The following MINDY4 variants were observed in gnomAD, a reference collection of about 807,000 sequenced individuals.
MINDY4 encodes the protein probable ubiquitin carboxyl-terminal hydrolase MINDY-4.
In MINDY4, 68 loss-of-function variants were observed where a neutral mutation model predicts 87.0. The observed-to-expected ratio is 0.78, with a 90% CI of 0.64 to 0.96. The LOEUF is 0.96. Ranked by LOEUF, MINDY4 falls within the 40% of genes least tolerant of loss-of-function variation. The probability of loss-of-function intolerance (pLI) is 0.00; values close to 1 mark genes in which losing one functional copy is unlikely to be tolerated. For missense variants in MINDY4, 919 were observed against 928.2 expected (o/e 0.99, Z 0.13); for synonymous variants, 379 against 363.2 (o/e 1.04, Z -0.50).
intron 9 of MINDY4, among the ~76,000 whole-genome samples, chr7:30,844,676 G>T (rs1789150925): frequency 6.6e-6 from 1 of 152,210 alleles, no homozygotes; most frequent in African/African-American, 2.4e-5. Context: ...TGCCAAGTGG[G>T]TGGGTGTCTA....
chr7:30,855,840 G>A (rs1182116988), intron 12 of MINDY4, among the ~76,000 whole-genome samples: 4 of 152,130 alleles, frequency 2.6e-5, no homozygotes, highest in African/African-American at 4.8e-5. Flanking sequence ...GTCAATATTC[G>A]GCCCTCCTCA....
intron 5 of MINDY4, among the ~76,000 whole-genome samples, chr7:30,804,155 A>G (rs1162711303): frequency 6.6e-6 from 1 of 152,228 alleles, no homozygotes; most frequent in Non-Finnish European, 1.5e-5. Flanking sequence ...TGTTAGGGGC[A>G]TATTGGGCAG....
At chr7:30,808,449 A>AGT (rs997046322) in intron 5 of MINDY4, among the ~76,000 whole-genome samples, 4 of 151,750 alleles carry the variant, frequency 2.6e-5, no homozygotes, top group Admixed American at 6.6e-5. Flanking sequence ...AAACTGTAAA[A>AGT]GTGTGTGTGT....
chr7:30,819,522 A>G (rs919946117), intron 5 of MINDY4, among the ~76,000 whole-genome samples: 3 of 152,112 alleles, frequency 2.0e-5, no homozygotes, highest in Non-Finnish European at 4.4e-5. Context: ...TTTAGTCTTT[A>G]TTCTTATTAA....
At chr7:30,842,481 A>C (rs1157317168) in intron 9 of MINDY4, among the ~76,000 whole-genome samples, 1 of 152,174 alleles carries the variant, frequency 6.6e-6, no homozygotes, top group Non-Finnish European at 1.5e-5. Context: ...GTACAGGGAT[A>C]CTGAGCACAT....
At chr7:30,853,539 G>A in intron 12 of MINDY4, 80 bp downstream of exon 12, 1 of 1,274,074 alleles carries the variant, frequency 7.8e-7, no homozygotes, top group Middle Eastern at 1.8e-4. Context: ...CTGTGAACTG[G>A]AGTTGTTCTC....
rs1450388174 is a variant in MINDY4, at chr7:30,778,570, G to C, written c.183+19G>C. ...GAACAAGGTATGTGCTTTCTAAGGT[G>C]TGGTGTGGAGTCTTGGAACTGAGTT... On this transcript the variant is annotated intron_variant, in intron 2 of 17. Transcript: ENST00000265299. 1.2e-6 allele frequency: 2 copies of C among 1,613,890 alleles called. No homozygotes were observed. Among genetic ancestry groups the C allele is most frequent in the African/African-American group, 2.7e-5 (2 of 74,938 alleles).
chr7:30,781,952 A>ATTTTTT (rs146709199), intron 2 of MINDY4, 25 bp from the exon 3 acceptor site: 4 of 1,508,330 alleles, frequency 2.7e-6, no homozygotes, highest in Non-Finnish European at 3.7e-6. Context: ...TAAATTAATG[A>ATTTTTT]TTTTTTTTTC....
intron 3 of MINDY4, 130 bp downstream of exon 3, chr7:30,782,342 TTGTG>T (rs56380069): frequency 0.27 from 151,784 of 571,460 alleles, 10,078 homozygotes; most frequent in Non-Finnish European, 0.29. Flanking sequence ...GTGTGTATGT[TTGTG>T]TGTGTGTGTG....
chr7:30,833,657 G>T (rs1220754643), intron 6 of MINDY4, among the ~76,000 whole-genome samples: 1 of 152,166 alleles, frequency 6.6e-6, no homozygotes, highest in African/African-American at 2.4e-5. Flanking sequence ...TAACCTAAAA[G>T]TCCACAGTTT....
intron 5 of MINDY4, among the ~76,000 whole-genome samples, chr7:30,822,032 C>A (rs1269051916): frequency 1.3e-5 from 2 of 152,100 alleles, no homozygotes; most frequent in Admixed American, 1.3e-4. Context: ...TTTATATATA[C>A]ACGTATTTTT....
At chr7:30,842,132 A>G (rs1001735836) in intron 9 of MINDY4, among the ~76,000 whole-genome samples, 2 of 152,232 alleles carry the variant, frequency 1.3e-5, no homozygotes, top group African/African-American at 4.8e-5. Flanking sequence ...GGTTTTGCAC[A>G]ATAATAATTG....
chr7:30,858,473 G>C (rs1789647037), intron 12 of MINDY4: 1 of 152,124 alleles, frequency 6.6e-6, no homozygotes, highest in African/African-American at 2.4e-5. Flanking sequence ...ATTTAAATTA[G>C]GCGGTCAGGC....
chr7:30,773,564 A>G (rs1312893970), intron 1 of MINDY4, among the ~76,000 whole-genome samples: 1 of 151,918 alleles, frequency 6.6e-6, no homozygotes, highest in Non-Finnish European at 1.5e-5. Flanking sequence ...CCCTCGGGGG[A>G]GTCATGATAG....
intron 13 of MINDY4, 74 bp downstream of exon 13, chr7:30,859,398 A>G (rs1324363035): frequency 1.4e-6 from 2 of 1,393,504 alleles, no homozygotes; most frequent in East Asian, 2.3e-5. Context: ...GCTAGAGCCC[A>G]GGATGGTGCT....
intron 15 of MINDY4, among the ~76,000 whole-genome samples, chr7:30,880,379 C>G (rs1790426755): frequency 6.9e-6 from 1 of 144,310 alleles, no homozygotes; most frequent in Non-Finnish European, 1.5e-5. Flanking sequence ...AATTTCATCT[C>G]TGGAAAATGT....
chr7:30,784,955 G>A (rs892360728), intron 3 of MINDY4, among the ~76,000 whole-genome samples: 1 of 152,222 alleles, frequency 6.6e-6, no homozygotes, highest in African/African-American at 2.4e-5. Flanking sequence ...TGTCACAGGA[G>A]TGCTGGCTTC....
At chr7:30,834,120 G>T (rs571129644) in intron 6 of MINDY4, among the ~76,000 whole-genome samples, 1 of 152,238 alleles carries the variant, frequency 6.6e-6, no homozygotes, top group Admixed American at 6.5e-5. Context: ...TGGTGCCCCC[G>T]TAGGGATTCT....
intron 6 of MINDY4, among the ~76,000 whole-genome samples, chr7:30,835,015 C>T (rs1174715490): frequency 6.6e-6 from 1 of 152,240 alleles, no homozygotes; most frequent in Non-Finnish European, 1.5e-5. Flanking sequence ...TCTGAGCCCT[C>T]CAAACTGTTC....
Sources: gnomAD v4.1 joint callset for allele counts (sites outside exome capture counted in the v4.1 genomes callset) on GRCh38, gnomAD v4.1.1 for gene constraint, MANE v1.5 for transcripts, NCBI Gene and HGNC (gene_info 2026-07-23, HGNC 2026-07-21) for gene names.